Variants in VPS13D observed in about 807,000 individuals in gnomAD.
The protein encoded by VPS13D is intermembrane lipid transfer protein VPS13D.
A neutral mutation model predicts 461.9 loss-of-function variants in VPS13D; 187 were observed. The ratio of observed to expected loss-of-function variants is 0.40; its 90% CI spans 0.36 to 0.46. The LOEUF (loss-of-function observed/expected upper bound fraction) is 0.46, where lower values mean the gene tolerates loss of function less well. Ranked by LOEUF, VPS13D falls within the 20% of genes least tolerant of loss-of-function variation. VPS13D has a pLI of 0.60. For missense variants in VPS13D, 4,711 were observed against 5,364.9 expected (o/e 0.88, Z 3.81); for synonymous variants, 1,951 against 1,986.3 (o/e 0.98, Z 0.47).
chr1:12,434,569 C>T (rs1387098361), intron 65 of VPS13D, among the ~76,000 whole-genome samples: 6 of 152,226 alleles, frequency 3.9e-5, no homozygotes, highest in South Asian at 2.1e-4. Flanking sequence ...CCTGTACTTT[C>T]GTTTGTTTAT....
intron 58 of VPS13D, 117 bp downstream of exon 58, chr1:12,383,272 T>C: frequency 9.2e-7 from 1 of 1,089,886 alleles, no homozygotes; most frequent in Non-Finnish European, 1.3e-6. Context: ...ATATGGTATC[T>C]TCATCTGTAA....
intron 68 of VPS13D, chr1:12,499,693 T>C: frequency 1.0e-6 from 1 of 985,444 alleles, no homozygotes; most frequent in Non-Finnish European, 1.2e-6. Context: ...ACCCAAGTTG[T>C]GGGTTAAATC....
At chr1:12,332,969 C>T (rs1402612613) in intron 37 of VPS13D, among the ~76,000 whole-genome samples, 1 of 152,162 alleles carries the variant, frequency 6.6e-6, no homozygotes, top group Non-Finnish European at 1.5e-5. Flanking sequence ...ACATACACTG[C>T]CTGCCCTCCT....
chr1:12,504,070 T>A (rs1300341583), intron 68 of VPS13D, among the ~76,000 whole-genome samples: 2 of 152,174 alleles, frequency 1.3e-5, no homozygotes, highest in African/African-American at 2.4e-5. Flanking sequence ...ACAAGTTTGA[T>A]ATGAGGCTCC....
chr1:12,386,079 A>T, intron 59 of VPS13D, 106 bp from the exon 60 acceptor site: 2 of 1,328,402 alleles, frequency 1.5e-6, no homozygotes, highest in Non-Finnish European at 2.0e-6. Context: ...ATCTGCTGAG[A>T]GATCGGGAGT....
At chr1:12,306,205 C>T (rs1212519978) in intron 26 of VPS13D, among the ~76,000 whole-genome samples, 1 of 152,084 alleles carries the variant, frequency 6.6e-6, no homozygotes, top group African/African-American at 2.4e-5. Context: ...AGGATGGTCT[C>T]GATCTCCTGA....
At position 12,383,115 on chromosome 1, in the gene VPS13D, C is replaced by G. The variant is rs149521489; in HGVS notation, c.11330C>G (p.Ser3777Cys). 143 of 1,613,950 alleles carry G rather than the reference C, an allele frequency of 8.9e-5. No homozygotes were observed. Among genetic ancestry groups the G allele is most frequent in the Non-Finnish European group, 1.1e-4 (132 of 1,180,000 alleles). Residue 3777 changes from serine to cysteine, a missense_variant, in exon 58 of 70, where the codon TCC becomes TGC. Ser to Cys is a moderately radical substitution (Grantham distance 112). Coordinates refer to ENST00000620676, the MANE Select transcript of VPS13D (RefSeq NM_015378.4). ...QKMRPGSGML[S>C]IRVIPDGPTR... ...ATGAGACCTGGTTCTGGAATGTTATCCATCAGAGTCATCCCAGATGGACCA... is the reference window on the plus strand; with the variant it reads ...ATGAGACCTGGTTCTGGAATGTTATGCATCAGAGTCATCCCAGATGGACCA...
chr1:12,484,964 G>A (rs939615816), intron 67 of VPS13D, among the ~76,000 whole-genome samples: 7 of 152,062 alleles, frequency 4.6e-5, no homozygotes, highest in Admixed American at 1.3e-4. Context: ...GCATGTGCAC[G>A]TGTACACACA....
intron 50 of VPS13D, 44 bp downstream of exon 50, chr1:12,358,645 G>A (rs561054839): frequency 3.1e-5 from 50 of 1,605,350 alleles, no homozygotes; most frequent in Admixed American, 1.5e-4. Flanking sequence ...ACCATTGGCC[G>A]ATGACCTCAG....
At chr1:12,255,442 A>G (rs1640888423) in intron 7 of VPS13D, among the ~76,000 whole-genome samples, 2 of 152,206 alleles carry the variant, frequency 1.3e-5, no homozygotes, top group South Asian at 2.1e-4. Flanking sequence ...GTTTATCTGC[A>G]TATGTACAGA....
Position 12,321,727 on chromosome 1 carries a change from C to T in VPS13D, c.7549-82C>T, listed in dbSNP as rs1643042996. ...TATGATAACACATGGCTGACTGCTT[C>T]TGAGATAGCCTCTTTGTGCTGGTAG... On this transcript the variant is annotated intron_variant, in intron 32 of 69. Transcript: ENST00000620676. 15 of 1,450,610 alleles carry T rather than the reference C, an allele frequency of 1.0e-5. 2 individuals carry two copies. In the South Asian group the frequency reaches 2.1e-4, roughly 20 times the overall value. The allele number at this position is 1,450,610 out of a possible 1,614,324, so 89.9% of individuals were successfully genotyped here. A position where few individuals can be genotyped will look rare whatever the true frequency, so the allele number is the denominator to read the frequency against.
chr1:12,281,344 G>A (rs1641775818), intron 20 of VPS13D, among the ~76,000 whole-genome samples: 2 of 152,134 alleles, frequency 1.3e-5, no homozygotes, highest in African/African-American at 2.4e-5. Flanking sequence ...GATACATTGT[G>A]TAGGTCTCTG....
chr1:12,382,257 A>G (rs566431220), intron 57 of VPS13D, among the ~76,000 whole-genome samples: 6 of 152,086 alleles, frequency 3.9e-5, no homozygotes, highest in Non-Finnish European at 7.4e-5. Context: ...GCCTGCAACC[A>G]TGCCTGGCTA....
At chr1:12,292,400 T>C (rs1642159867) in intron 23 of VPS13D, among the ~76,000 whole-genome samples, 1 of 150,702 alleles carries the variant, frequency 6.6e-6, no homozygotes, top group Non-Finnish European at 1.5e-5. Context: ...CCTCTACATA[T>C]TCTGATTTAA....
At chr1:12,359,898 A>G (rs1170991444) in intron 50 of VPS13D, among the ~76,000 whole-genome samples, 1 of 152,168 alleles carries the variant, frequency 6.6e-6, no homozygotes, top group Non-Finnish European at 1.5e-5. Context: ...CTTTATGCTG[A>G]GTTTGGCTTT....
At chr1:12,498,551 ATG>A (rs1253447237) in intron 68 of VPS13D, among the ~76,000 whole-genome samples, 4 of 152,206 alleles carry the variant, frequency 2.6e-5, no homozygotes, top group African/African-American at 9.6e-5. Flanking sequence ...ATCTTCCTAC[ATG>A]TGCCTTGTGT....
intron 16 of VPS13D, among the ~76,000 whole-genome samples, chr1:12,269,678 A>G (rs971090253): frequency 6.6e-6 from 1 of 152,260 alleles, no homozygotes; most frequent in African/African-American, 2.4e-5. Context: ...TTGAAACAGT[A>G]GGTGCAGAAA....
Position 12,261,140 on chromosome 1 carries a change from G to A in VPS13D, c.1405G>A (p.Glu469Lys), listed in dbSNP as rs781305359. ...GCAACAGGAGCAGTGGATTCCTGAA[G>A]AGATCCTGGGTACGGTGGGAGCTGG... ...AEQQEQWIPE[E>K]ILGTEEFFDP... Residue 469 changes from glutamate (E) to lysine (K), a missense_variant, in exon 12 of 70, where the codon GAG becomes AAG. Around this residue, in one of 3 missense-constraint regions of VPS13D, gnomAD observed 4,411 missense variants for 4,937.8 expected, o/e 0.89. Transcript: ENST00000620676. 1 of 1,614,044 alleles carries A rather than the reference G, an allele frequency of 6.2e-7. No individual in the cohort carries two copies.
intron 65 of VPS13D, among the ~76,000 whole-genome samples, chr1:12,446,912 G>C (rs1645200078): frequency 6.6e-6 from 1 of 152,116 alleles, no homozygotes; most frequent in African/African-American, 2.4e-5. Flanking sequence ...TAACGGACAT[G>C]TACCAAGCCT....
Sources: allele counts gnomAD v4.1 joint callset (sites outside exome capture counted in the v4.1 genomes callset), GRCh38; gene constraint gnomAD v4.1.1; regional missense constraint gnomAD v4.1.1; transcripts MANE v1.5; gene names NCBI Gene and HGNC (gene_info 2026-07-23, HGNC 2026-07-21).